The following SCGB2B2 variants were observed in gnomAD, a reference collection of about 807,000 sequenced individuals.
SCGB2B2 encodes secretoglobin-like protein.
A neutral mutation model predicts 7.6 loss-of-function variants in SCGB2B2; 11 were observed. The observed-to-expected ratio is 1.45, with a 90% CI of 0.91 to 2.40. SCGB2B2 has a LOEUF of 2.40. Among genes scored for constraint, SCGB2B2 ranks in the 30% most tolerant of loss-of-function variants. The pLI, the probability that SCGB2B2 is intolerant of heterozygous loss-of-function variation, is 0.00. For missense variants in SCGB2B2, 104 were observed against 115.4 expected (o/e 0.90, Z 0.45); for synonymous variants, 50 against 48.6 (o/e 1.03, Z -0.12).
At chr19:34,593,714 T>TG in intron 3 of SCGB2B2, 115 bp from the exon 4 acceptor site, 1 of 788,132 alleles carries the variant, frequency 1.3e-6, no homozygotes, top group East Asian at 2.7e-5. Context: ...GTCTGCTTGT[T>TG]GGGGATCCCA....
At chr19:34,604,596 G>T (rs748509898) in intron 1 of SCGB2B2, among the ~76,000 whole-genome samples, 3 of 152,150 alleles carry the variant, frequency 2.0e-5, no homozygotes, top group Non-Finnish European at 4.4e-5. Flanking sequence ...TGGGCCAATT[G>T]AATCCTTACT....
intron 1 of SCGB2B2, among the ~76,000 whole-genome samples, chr19:34,666,554 C>A (rs2146177804): frequency 6.6e-6 from 1 of 152,228 alleles, no homozygotes; most frequent in South Asian, 2.1e-4. Flanking sequence ...ACCTGCTGCG[C>A]CCACTGGGCC....
At chr19:34,668,481 T>G (rs2067702739) in intron 1 of SCGB2B2, among the ~76,000 whole-genome samples, 1 of 152,002 alleles carries the variant, frequency 6.6e-6, no homozygotes, top group Non-Finnish European at 1.5e-5. Context: ...CGCCGCCCCC[T>G]GCTCCATAGC....
chr19:34,625,093 T>A (rs1030758799), intron 1 of SCGB2B2, among the ~76,000 whole-genome samples: 2 of 152,208 alleles, frequency 1.3e-5, no homozygotes, highest in African/African-American at 2.4e-5. Context: ...TGAGTAACAT[T>A]TCTGCAGTTT....
chr19:34,637,628 T>C (rs568277631), intron 1 of SCGB2B2: 1 of 159,476 alleles, frequency 6.3e-6, no homozygotes, highest in South Asian at 2.1e-4. Context: ...GGCTGGGTGA[T>C]TTTTCTAAAA....
chr19:34,655,658 G>A (rs537258588), intron 1 of SCGB2B2, among the ~76,000 whole-genome samples: 3 of 151,406 alleles, frequency 2.0e-5, no homozygotes, highest in Admixed American at 6.5e-5. Flanking sequence ...CTTAGCCTTC[G>A]AAAAATATTT....
rs117654228 is a variant in SCGB2B2, at chr19:34,652,132, C to T, written c.-2032+23498G>A. On this transcript the variant is annotated intron_variant, in intron 1 of 3. Coordinates refer to ENST00000601241, the MANE Select transcript of SCGB2B2 (RefSeq NM_001025591.4). ...TCTCATTATATTGATAAAATCAACT[C>T]GAAATAGTTTACAGACTTAAAAGCT... is the stretch of plus-strand genomic sequence containing the variant. Among the ~76,000 whole-genome samples the T allele has an allele frequency of 2.3e-4, 34 of 151,100 alleles. 4 individuals are homozygous for T. Among genetic ancestry groups the T allele is most frequent in the African/African-American group, 7.6e-4 (31 of 40,548 alleles).
chr19:34,642,739 A>AAAAAT (rs1555747824), intron 1 of SCGB2B2, among the ~76,000 whole-genome samples: 1 of 148,380 alleles, frequency 6.7e-6, no homozygotes, highest in African/African-American at 2.5e-5. Flanking sequence ...AAAAAAAAAA[A>AAAAAT]GTGGGCAAAG....
chr19:34,633,273 C>T (rs577332202), intron 1 of SCGB2B2, among the ~76,000 whole-genome samples: 6 of 152,330 alleles, frequency 3.9e-5, no homozygotes, highest in African/African-American at 1.2e-4. Context: ...AGAAATGAAA[C>T]ACTCAGTCCT....
At chr19:34,608,608 T>C (rs2065841379) in intron 1 of SCGB2B2, 1 of 145,852 alleles carries the variant, frequency 6.9e-6, no homozygotes, top group Admixed American at 7.0e-5. Context: ...AGTTAATCCA[T>C]GTTGATGCAA....
intron 1 of SCGB2B2, among the ~76,000 whole-genome samples, chr19:34,652,932 T>G (rs1326904457): frequency 4.6e-5 from 7 of 151,260 alleles, no homozygotes; most frequent in Non-Finnish European, 1.0e-4. Flanking sequence ...CTGTTCACAA[T>G]GGACAAAACA....
At chr19:34,666,438 G>A (rs1218500823) in intron 1 of SCGB2B2, among the ~76,000 whole-genome samples, 1 of 152,016 alleles carries the variant, frequency 6.6e-6, no homozygotes, top group Non-Finnish European at 1.5e-5. Flanking sequence ...AATGTGACAG[G>A]CCACTGGGCC....
At chr19:34,597,854 G>T (rs897188401) in intron 1 of SCGB2B2, among the ~76,000 whole-genome samples, 6 of 152,224 alleles carry the variant, frequency 3.9e-5, no homozygotes, top group Non-Finnish European at 8.8e-5. Flanking sequence ...GGCCGGTGTG[G>T]GGGCGTCTCT....
intron 1 of SCGB2B2, among the ~76,000 whole-genome samples, chr19:34,617,412 G>A (rs1257936736): frequency 6.6e-6 from 1 of 151,106 alleles, no homozygotes; most frequent in Admixed American, 6.6e-5. Context: ...TCCCTTGTAA[G>A]TTGGATTCCT....
intron 1 of SCGB2B2, among the ~76,000 whole-genome samples, chr19:34,633,634 A>AT (rs1482747639): frequency 1.3e-5 from 2 of 152,048 alleles, no homozygotes; most frequent in East Asian, 3.9e-4. Flanking sequence ...GGAAAGAGGG[A>AT]TTTTAAAGGG....
chr19:34,585,721 C>G (rs1208188547), downstream of SCGB2B2, among the ~76,000 whole-genome samples: 1 of 152,144 alleles, frequency 6.6e-6, no homozygotes, highest in Non-Finnish European at 1.5e-5. Flanking sequence ...TCAAAGCTGT[C>G]TTTTTGCATG....
intron 1 of SCGB2B2, among the ~76,000 whole-genome samples, chr19:34,653,370 A>G (rs559377134): frequency 2.0e-5 from 3 of 151,384 alleles, no homozygotes; most frequent in South Asian, 2.1e-4. Context: ...CATGTTCCCA[A>G]TACGAAGTAA....
intron 1 of SCGB2B2, among the ~76,000 whole-genome samples, chr19:34,665,839 T>C (rs979838746): frequency 2.6e-5 from 4 of 152,000 alleles, no homozygotes; most frequent in Non-Finnish European, 5.9e-5. Flanking sequence ...GACCTGGCCC[T>C]CTTGGCCCTC....
At chr19:34,589,601 G>A (rs1374375831), downstream of SCGB2B2, among the ~76,000 whole-genome samples, 1 of 152,182 alleles carries the variant, frequency 6.6e-6, no homozygotes, top group Non-Finnish European at 1.5e-5. Context: ...AGGGAGGAGT[G>A]GAGGGGGAGC....
Sources: gnomAD v4.1 joint callset for allele counts (sites outside exome capture counted in the v4.1 genomes callset) on GRCh38, gnomAD v4.1.1 for gene constraint, MANE v1.5 for transcripts, NCBI Gene and HGNC (gene_info 2026-07-23, HGNC 2026-07-21) for gene names.